The following LINGO2 variants were observed in gnomAD, a reference collection of about 807,000 sequenced individuals.
LINGO2 encodes leucine-rich repeat and immunoglobulin-like domain-containing nogo receptor-interacting protein 2.
Under a neutral mutation model 30.6 loss-of-function variants are expected in LINGO2, and 14 were observed. The observed-to-expected ratio is 0.46, with a 90% CI of 0.30 to 0.72. LINGO2 has a LOEUF of 0.72. Among genes scored for constraint, LINGO2 ranks in the 30% least tolerant of loss-of-function variants. The pLI is 0.07. For missense variants in LINGO2, 729 were observed against 751.7 expected, an observed-to-expected ratio of 0.97 and a Z score of 0.35; for synonymous variants, 317 against 288.5, an observed-to-expected ratio of 1.10 and a Z score of -1.00.
chr9:29,179,158 A>AATAT, the LINGO2 span, among the ~76,000 whole-genome samples: 301 of 101,578 alleles, frequency 3.0e-3, 4 homozygotes, highest in African/African-American at 0.01. Flanking sequence ...TCTTACTGTA[A>AATAT]ATATATATAT....
chr9:27,980,810 GA>G (rs1004406328), intron 5 of LINGO2, among the ~76,000 whole-genome samples: 5 of 151,818 alleles, frequency 3.3e-5, no homozygotes, highest in Admixed American at 6.6e-5. Flanking sequence ...AGCTTGAGGG[GA>G]TAAGGCAATA....
intron 1 of LINGO2, among the ~76,000 whole-genome samples, chr9:28,488,645 GT>G (rs930135356): frequency 9.9e-5 from 15 of 152,088 alleles, no homozygotes; most frequent in African/African-American, 3.1e-4. Flanking sequence ...AATCAAAGGA[GT>G]TTTTTTGTGT....
At chr9:28,848,395 G>GTATA in the LINGO2 span, among the ~76,000 whole-genome samples, 17 of 38,800 alleles carry the variant, frequency 4.4e-4, no homozygotes, top group African/African-American at 1.0e-3. Flanking sequence ...GTGTGTGTGT[G>GTATA]TGTATATATA....
At chr9:28,850,461 C>G in the LINGO2 span, among the ~76,000 whole-genome samples, 2 of 152,094 alleles carry the variant, frequency 1.3e-5, no homozygotes, top group East Asian at 1.9e-4. Flanking sequence ...CCCTCTCCCC[C>G]AGCCACCCAC....
At chr9:29,078,268 T>C in the LINGO2 span, among the ~76,000 whole-genome samples, 3 of 152,056 alleles carry the variant, frequency 2.0e-5, no homozygotes, top group Admixed American at 6.6e-5. Context: ...TAGTTAGTGC[T>C]GAATGGATTG....
Position 28,251,533 on chromosome 9 carries a change from A to G in LINGO2, c.-87+43675T>C, listed in dbSNP as rs117849474. 4.6e-4 allele frequency among the ~76,000 whole-genome samples: 70 copies of G among 152,210 alleles called. No homozygotes were observed. In the East Asian group the frequency reaches 0.013, roughly 29 times the overall value. On this transcript the variant is annotated intron_variant, in intron 4 of 5. Transcript: ENST00000379992. ...TGAAAACATGTATGTAATGGATCAT[A>G]CCTGCCTGATTATACAAAAGGGTAG...
chr9:28,398,772 T>C (rs1337326820), intron 2 of LINGO2, among the ~76,000 whole-genome samples: 1 of 152,104 alleles, frequency 6.6e-6, no homozygotes, highest in African/African-American at 2.4e-5. Flanking sequence ...ACAACCTGCA[T>C]ATTTCTTTAT....
chr9:28,282,884 A>G (rs1340540031), intron 4 of LINGO2, among the ~76,000 whole-genome samples: 5 of 152,198 alleles, frequency 3.3e-5, no homozygotes, highest in Non-Finnish European at 2.9e-5. Flanking sequence ...ATCATTTCCA[A>G]TATTTGTACT....
the LINGO2 span, among the ~76,000 whole-genome samples, chr9:29,029,455 G>A: frequency 6.6e-6 from 1 of 152,038 alleles, no homozygotes; most frequent in Non-Finnish European, 1.5e-5. Context: ...TTGAAAATGG[G>A]TAGCAGAGAA....
At chr9:27,950,912 C>T (rs886963827) in intron 5 of LINGO2, among the ~76,000 whole-genome samples, 4 of 152,078 alleles carry the variant, frequency 2.6e-5, no homozygotes, top group African/African-American at 9.7e-5. Flanking sequence ...GTTTTCCTGG[C>T]TGTGAAATGG....
At chr9:28,358,180 A>G (rs888596307) in intron 3 of LINGO2, among the ~76,000 whole-genome samples, 1 of 152,168 alleles carries the variant, frequency 6.6e-6, no homozygotes, top group African/African-American at 2.4e-5. Flanking sequence ...GTCAGGCACT[A>G]TTTTAATTGA....
chr9:28,746,975 G>A, the LINGO2 span, among the ~76,000 whole-genome samples: 2 of 152,164 alleles, frequency 1.3e-5, no homozygotes, highest in African/African-American at 2.4e-5. Flanking sequence ...ATACGGACAG[G>A]AGACAGAAAT....
rs76825506 is a variant in LINGO2 at position 28,412,187 on chromosome 9, A to G, written c.-278-39319T>C. Among the ~76,000 whole-genome samples the G allele has an allele frequency of 3.1e-3, 229 of 73,592 alleles. 2 individuals carry two copies. The highest frequency in any genetic ancestry group is 0.011 in the African/African-American group (219 of 20,502). 48.3% of individuals were successfully genotyped at this position (73,592 alleles called of 152,430 possible). A position where few individuals can be genotyped will look rare whatever the true frequency, so the allele number is the denominator to read the frequency against. ...TAGCTTAGCTCCCACTTGTAAGTGA[A>G]AAAAAAAAAAAAAAAAAACCTTGTT... On this transcript the variant is annotated intron_variant, in intron 2 of 5. Transcript: ENST00000379992.
Position 28,452,209 on chromosome 9 carries a change from A to G in LINGO2, c.-279+23731T>C, listed in dbSNP as rs1824676050. 2.0e-5 allele frequency among the ~76,000 whole-genome samples: 3 copies of G among 151,862 alleles called. No homozygotes were observed. The East Asian group carries it at 5.8e-4, about 29-fold the overall frequency. ...AGTCAATATTCAGACAATTACTCTC[A>G]TTTACTAAGCAAAAGAGTAGCAAAT... is the stretch of plus-strand genomic sequence containing the variant. On this transcript the variant is annotated intron_variant, in intron 2 of 5. Coordinates refer to ENST00000379992, the Ensembl canonical transcript of LINGO2.
chr9:29,067,239 T>A, the LINGO2 span, among the ~76,000 whole-genome samples: 1 of 151,756 alleles, frequency 6.6e-6, no homozygotes, highest in African/African-American at 2.4e-5. Flanking sequence ...AGTAAAGAAA[T>A]ATTATAAACT....
chr9:29,112,043 TATA>T, the LINGO2 span, among the ~76,000 whole-genome samples: 15 of 151,580 alleles, frequency 9.9e-5, no homozygotes, highest in African/African-American at 1.9e-4. Context: ...GTGTATGATA[TATA>T]ATGTGTACAT....
At chr9:28,576,578 G>A (rs1227772035) in intron 1 of LINGO2, among the ~76,000 whole-genome samples, 1 of 152,128 alleles carries the variant, frequency 6.6e-6, no homozygotes, top group African/African-American at 2.4e-5. Context: ...CAAAATTAGG[G>A]TATAACTTGA....
intron 2 of LINGO2, among the ~76,000 whole-genome samples, chr9:28,446,725 G>A (rs1448880399): frequency 6.6e-6 from 1 of 152,152 alleles, no homozygotes. Context: ...TCCCTACAGA[G>A]CAGCCAGAAT....
At chr9:28,248,984 C>T (rs1196791866) in intron 4 of LINGO2, among the ~76,000 whole-genome samples, 1 of 152,044 alleles carries the variant, frequency 6.6e-6, no homozygotes, top group Non-Finnish European at 1.5e-5. Context: ...CAGTGCTTTT[C>T]TAGGGCTTCT....
Sources: allele counts gnomAD v4.1 joint callset (sites outside exome capture counted in the v4.1 genomes callset), GRCh38; gene constraint gnomAD v4.1.1; transcripts MANE v1.5; gene names NCBI Gene and HGNC (gene_info 2026-07-23, HGNC 2026-07-21).